Variants in GCSAM observed in about 807,000 individuals in gnomAD.
The protein encoded by GCSAM is germinal center-associated signaling and motility protein.
A neutral mutation model predicts 17.6 loss-of-function variants in GCSAM; 8 were observed. The observed-to-expected ratio is 0.46, with a 90% CI of 0.27 to 0.82. GCSAM has a LOEUF of 0.82. GCSAM is among the 40% of genes least tolerant of loss of function. The pLI is 0.15. For synonymous variants in GCSAM, 68 were observed against 69.0 expected (o/e 0.98, Z 0.07); for missense variants, 192 against 213.5 (o/e 0.90, Z 0.63).
rs972272259 is a variant in GCSAM, at chr3:112,122,328, G to C, written c.*1127C>G. 2.0e-5 allele frequency: 3 copies of C among 152,184 alleles called. No homozygotes were observed. The highest frequency in any genetic ancestry group is 2.0e-4 in the Admixed American group (3 of 15,280). The allele number at this position is 152,184 out of a possible 1,614,324, so 9.4% of individuals were successfully genotyped here. A position where few individuals can be genotyped will look rare whatever the true frequency, so the allele number is the denominator to read the frequency against. ...TCCCATGGTTGAACAATCATAGATA[G>C]TAGGTAAACAAATGAGTGTGGCTGT... On this transcript the variant is annotated 3_prime_UTR_variant, in exon 6 of 6. Coordinates refer to ENST00000308910, the MANE Select transcript of GCSAM (RefSeq NM_152785.5).
At chr3:112,130,382 G>C in intron 2 of GCSAM, 63 bp downstream of exon 2, 1 of 1,327,514 alleles carries the variant, frequency 7.5e-7, no homozygotes, top group Non-Finnish European at 1.1e-6. Flanking sequence ...GAAGTCCAGG[G>C]CTTGACATAC....
At chr3:112,127,776 G>A (rs1023198812) in intron 3 of GCSAM, among the ~76,000 whole-genome samples, 3 of 152,186 alleles carry the variant, frequency 2.0e-5, no homozygotes, top group South Asian at 4.1e-4. Context: ...TACGTTAGTA[G>A]CTAGTTTCAT....
At chr3:112,125,184 C>T (rs201132971) in intron 5 of GCSAM, 42 bp downstream of exon 5, 239 of 1,341,788 alleles carry the variant, frequency 1.8e-4, no homozygotes, top group Non-Finnish European at 2.5e-4. Context: ...GTCTGTACTT[C>T]TATCATCATC....
intron 1 of GCSAM, among the ~76,000 whole-genome samples, chr3:112,131,387 G>C (rs1321223974): frequency 6.6e-6 from 1 of 151,932 alleles, no homozygotes; most frequent in Non-Finnish European, 1.5e-5. Flanking sequence ...CGGTTGGGGG[G>C]GTATGCTGAC....
chr3:112,128,668 A>G (rs1296950320), intron 2 of GCSAM: 1 of 175,812 alleles, frequency 5.7e-6, no homozygotes, highest in Non-Finnish European at 1.2e-5. Context: ...ATAGCCAAGG[A>G]CAGGACAACC....
At position 112,123,323 on chromosome 3, in the gene GCSAM, C is replaced by G. The variant is rs1481040202; in HGVS notation, c.*132G>C. 2.0e-6 allele frequency: 3 copies of G among 1,478,022 alleles called. No individual in the cohort carries two copies. Among genetic ancestry groups the G allele is most frequent in the Non-Finnish European group, 1.8e-6 (2 of 1,117,844 alleles). The allele number at this position is 1,478,022 out of a possible 1,614,324, so 91.6% of individuals were successfully genotyped here. On this transcript the variant is annotated 3_prime_UTR_variant, in exon 6 of 6. Transcript: ENST00000308910. ...CTAAGAGGGCTTGTGGTATACAAACCATGCTCTGCAGGGAAAGGGTTGTTG... is the reference window on the plus strand; with the variant it reads ...CTAAGAGGGCTTGTGGTATACAAACGATGCTCTGCAGGGAAAGGGTTGTTG...
At chr3:112,126,836 G>T in intron 4 of GCSAM, 151 bp downstream of exon 4, 1 of 655,194 alleles carries the variant, frequency 1.5e-6, no homozygotes, top group Non-Finnish European at 2.7e-6. Context: ...CATCTACTGA[G>T]GACAAAGGAC....
chr3:112,131,544 C>T (rs912272820), intron 1 of GCSAM, among the ~76,000 whole-genome samples: 4 of 151,948 alleles, frequency 2.6e-5, no homozygotes, highest in African/African-American at 9.7e-5. Context: ...TCAGGCTGCC[C>T]TCAAACTCCT....
chr3:112,123,286 G>T lies in GCSAM; in HGVS notation c.*169C>A. 3 of 1,233,018 alleles carry T rather than the reference G, an allele frequency of 2.4e-6. No homozygotes were observed. Among genetic ancestry groups the T allele is most frequent in the Non-Finnish European group, 3.3e-6 (3 of 912,164 alleles). The allele number at this position is 1,233,018 out of a possible 1,614,324, so 76.4% of individuals were successfully genotyped here. ...GATAAATGGTTGATCTTTAGATTTT[G>T]GCTTTTGCGTGCTAAGAGGGCTTGT... On this transcript the variant is annotated 3_prime_UTR_variant, in exon 6 of 6. Coordinates refer to ENST00000308910, the MANE Select transcript of GCSAM (RefSeq NM_152785.5).
intron 2 of GCSAM, 147 bp from the exon 3 acceptor site, chr3:112,128,208 T>A (rs1260359874): frequency 2.8e-6 from 2 of 725,620 alleles, no homozygotes; most frequent in Non-Finnish European, 5.0e-6. Flanking sequence ...ACATCTCTCA[T>A]GGTAGAATGC....
chr3:112,130,542 A>C, intron 1 of GCSAM, 29 bp from the exon 2 acceptor site: 3 of 1,595,562 alleles, frequency 1.9e-6, no homozygotes, highest in Non-Finnish European at 2.6e-6. Context: ...GAAACAGGCT[A>C]AGTATTTCCT....
intron 5 of GCSAM, among the ~76,000 whole-genome samples, chr3:112,124,561 T>C (rs990466663): frequency 6.6e-6 from 1 of 152,168 alleles, no homozygotes; most frequent in East Asian, 1.9e-4. Context: ...TGAGCTGAGA[T>C]CGTGCCATTG....
intron 3 of GCSAM, 91 bp from the exon 4 acceptor site, chr3:112,127,124 G>T (rs553726515): frequency 1.3e-6 from 1 of 799,138 alleles, no homozygotes; most frequent in Non-Finnish European, 2.1e-6. Context: ...TTAACTCTTT[G>T]TTAAAGTTAT....
chr3:112,126,559 A>C (rs192121214), intron 4 of GCSAM, among the ~76,000 whole-genome samples: 24 of 152,286 alleles, frequency 1.6e-4, no homozygotes, highest in Admixed American at 3.9e-4. Flanking sequence ...TCTTTAATAC[A>C]AATCTAATCA....
rs1230278077 is a variant in GCSAM, at chr3:112,130,477, C to T, written c.66G>A (p.Val22=). The T allele has an allele frequency of 4.3e-6, 7 of 1,614,038 alleles. No homozygotes were observed. The highest frequency in any genetic ancestry group is 2.2e-5 in the East Asian group (1 of 44,888). Residue 22 remains valine (V), a synonymous_variant, in exon 2 of 6, where the codon GTG becomes GTA. Coordinates refer to ENST00000308910, the MANE Select transcript of GCSAM (RefSeq NM_152785.5). ...TTCTCTGTTTGGGGCTTTGCATTCT[C>T]ACATTCCAAGGCATCTCTTGAGTGT... ...QQNTQEMPWN[V]RMQSPKQRTS...
At chr3:112,125,551 C>CTTCCTTACACAAAATTGATTTGTG (rs2074298059) in intron 4 of GCSAM, among the ~76,000 whole-genome samples, 1 of 152,200 alleles carries the variant, frequency 6.6e-6, no homozygotes, top group Admixed American at 6.5e-5. Flanking sequence ...GCCCCGTCTC[C>CTTCCTTACACAAAATTGATTTGTG]TTCCTTACAC....
intron 5 of GCSAM, among the ~76,000 whole-genome samples, chr3:112,124,908 G>C (rs2107801688): frequency 6.6e-6 from 1 of 152,292 alleles, no homozygotes; most frequent in Non-Finnish European, 1.5e-5. Flanking sequence ...CGGGGGATGG[G>C]ATGGATTATA....
Position 112,128,118 on chromosome 3 carries a change from G to A in GCSAM, c.99-57C>T, listed in dbSNP as rs2074370808. On this transcript the variant is annotated intron_variant, in intron 2 of 5. Coordinates refer to ENST00000308910, the MANE Select transcript of GCSAM (RefSeq NM_152785.5). ...AGGTTGATTTCTGCAGCTTTGTTAAGGTGACTCCTTTCCTTTTGCCATTTC... is the reference window on the plus strand; with the variant it reads ...AGGTTGATTTCTGCAGCTTTGTTAAAGTGACTCCTTTCCTTTTGCCATTTC... 2.7e-6 allele frequency: 4 copies of A among 1,499,342 alleles called. No individual in the cohort carries two copies. In the South Asian group the frequency reaches 4.5e-5, roughly 17 times the overall value. 92.9% of individuals were successfully genotyped at this position (1,499,342 alleles called of 1,614,324 possible). A position where few individuals can be genotyped will look rare whatever the true frequency, so the allele number is the denominator to read the frequency against.
intron 5 of GCSAM, 89 bp from the exon 6 acceptor site, chr3:112,123,861 A>G: frequency 7.1e-7 from 1 of 1,404,898 alleles, no homozygotes; most frequent in Non-Finnish European, 9.6e-7. Context: ...ACCCTTGGTC[A>G]AGTCTGTCTT....
Sources: gnomAD v4.1 joint callset for allele counts (sites outside exome capture counted in the v4.1 genomes callset) on GRCh38, gnomAD v4.1.1 for gene constraint, MANE v1.5 for transcripts, NCBI Gene and HGNC (gene_info 2026-07-23, HGNC 2026-07-21) for gene names.